The following FAM193A variants were observed in gnomAD, a reference collection of about 807,000 sequenced individuals.
FAM193A encodes the protein family with sequence similarity 193 member A, also known as protein FAM193A.
FAM193A carries 22 observed loss-of-function variants against 126.5 expected under a neutral mutation model. The ratio of observed to expected loss-of-function variants is 0.17; its 90% CI spans 0.12 to 0.25. The LOEUF (loss-of-function observed/expected upper bound fraction) is 0.25. FAM193A is among the 10% of genes least tolerant of loss of function. The pLI is 1.00. For missense variants in FAM193A, 1,675 were observed against 1,672.8 expected (o/e 1.00, Z -0.02); for synonymous variants, 761 against 646.8 (o/e 1.18, Z -2.68).
At chr4:2,597,710 A>T (rs1289740451) in intron 2 of FAM193A, among the ~76,000 whole-genome samples, 2 of 152,192 alleles carry the variant, frequency 1.3e-5, no homozygotes, top group Non-Finnish European at 2.9e-5. Context: ...GTTGCTTTGT[A>T]GGTCAGCCTC....
intron 5 of FAM193A, among the ~76,000 whole-genome samples, chr4:2,635,631 C>G (rs550222751): frequency 6.6e-6 from 1 of 152,324 alleles, no homozygotes; most frequent in East Asian, 1.9e-4. Flanking sequence ...CTCCCCAGTT[C>G]AAGCGATTCT....
Position 2,580,072 on chromosome 4 carries a change from T to C in FAM193A, c.256-16012T>C, listed in dbSNP as rs1560457631. Among the ~76,000 whole-genome samples, 3 of 152,108 alleles carry C rather than the reference T, an allele frequency of 2.0e-5. No individual in the cohort carries two copies. In the South Asian group the frequency reaches 6.2e-4, roughly 32 times the overall value. On this transcript the variant is annotated intron_variant, in intron 1 of 20. Transcript: ENST00000637812. ...GATAGATTGCATAAAGAAAACATGGTACATATACACCATGGAATACTATGC... is the reference window on the plus strand; with the variant it reads ...GATAGATTGCATAAAGAAAACATGGCACATATACACCATGGAATACTATGC...
chr4:2,696,454 A>G lies in FAM193A; in HGVS notation c.3368A>G (p.Lys1123Arg). The G allele has an allele frequency of 1.9e-6, 3 of 1,614,264 alleles. No individual in the cohort carries two copies. The highest frequency in any genetic ancestry group is 2.5e-6 in the Non-Finnish European group (3 of 1,180,038). ...AAGAGGAAAGAGGAGCAACCTAAAA[A>G]AATGGACCAGATCTCAGAAAGGGAA... is the stretch of plus-strand genomic sequence containing the variant. The part of the protein sequence containing the change: ...LTKRKEEQPK[K>R]MDQISERESV... The change falls in exon 18 of 21, where the codon AAA becomes AGA. Residue 1123 changes from lysine (K) to arginine (R), a missense_variant. By Grantham distance (26) the Lys-to-Arg change is conservative. This residue lies in a region of FAM193A where 54 missense variants were observed against 114.8 expected (regional missense o/e 0.47). Coordinates refer to ENST00000637812, the MANE Select transcript of FAM193A (RefSeq NM_001366318.2).
At chr4:2,695,873 T>C (rs934645984) in intron 17 of FAM193A, among the ~76,000 whole-genome samples, 2 of 152,062 alleles carry the variant, frequency 1.3e-5, no homozygotes, top group African/African-American at 4.8e-5. Context: ...GAAGACCAGC[T>C]TGGGCGACAC....
chr4:2,608,959 T>G (rs1741701691), intron 2 of FAM193A, among the ~76,000 whole-genome samples: 1 of 151,394 alleles, frequency 6.6e-6, no homozygotes, highest in African/African-American at 2.4e-5. Context: ...GGTGCCATCT[T>G]GGCTCACTGC....
intron 1 of FAM193A, among the ~76,000 whole-genome samples, chr4:2,595,012 G>T (rs1297089709): frequency 6.6e-6 from 1 of 150,542 alleles, no homozygotes; most frequent in Non-Finnish European, 1.5e-5. Flanking sequence ...GTTTTTAATA[G>T]AAACAGGGTT....
intron 2 of FAM193A, among the ~76,000 whole-genome samples, chr4:2,606,414 G>C (rs73791840): frequency 0.07 from 10,614 of 152,280 alleles, 656 homozygotes; most frequent in African/African-American, 0.16. Context: ...CCTCTGTGTG[G>C]AACCTGTTGT....
intron 6 of FAM193A, among the ~76,000 whole-genome samples, chr4:2,641,678 A>G (rs1285253135): frequency 2.6e-5 from 4 of 152,112 alleles, no homozygotes; most frequent in African/African-American, 9.7e-5. Flanking sequence ...AAAACAAACA[A>G]ACAAAAAGAA....
chr4:2,634,171 G>A (rs981636596), intron 5 of FAM193A, among the ~76,000 whole-genome samples: 3 of 152,200 alleles, frequency 2.0e-5, no homozygotes, highest in Non-Finnish European at 4.4e-5. Flanking sequence ...TGCAGCTCTC[G>A]TGGCCTTGGG....
intron 6 of FAM193A, among the ~76,000 whole-genome samples, chr4:2,645,295 A>G (rs1745021693): frequency 6.6e-6 from 1 of 152,110 alleles, no homozygotes; most frequent in Admixed American, 6.5e-5. Flanking sequence ...ACACTGATAG[A>G]CTTAGGTATT....
chr4:2,603,832 A>C (rs1185082883), intron 2 of FAM193A, among the ~76,000 whole-genome samples: 1 of 151,234 alleles, frequency 6.6e-6, no homozygotes, highest in African/African-American at 2.4e-5. Context: ...CCAAACACAT[A>C]TCTCTTGAAT....
Position 2,732,331 on chromosome 4 carries a change from C to G in FAM193A, c.*463C>G. 5.0e-6 allele frequency: 1 copy of G among 201,028 alleles called. No individual in the cohort carries two copies. Among genetic ancestry groups the G allele is most frequent in the Non-Finnish European group, 1.0e-5 (1 of 96,858 alleles). 12.5% of individuals were successfully genotyped at this position (201,028 alleles called of 1,614,324 possible). On this transcript the variant is annotated 3_prime_UTR_variant, in exon 21 of 21. Transcript: ENST00000637812. ...TTTGTTCTCCACAATCTACTGTCTC[C>G]GAGTGTACACGTTGCGCTGTTTGTG...
Position 2,631,051 on chromosome 4 carries a change from A to G in FAM193A, c.920A>G (p.Lys307Arg). The change falls in exon 5 of 21, where the codon AAG becomes AGG. Residue 307 changes from lysine (K) to arginine (R), a missense_variant. This residue lies in a region of FAM193A where 1,186 missense variants were observed against 1,109.2 expected (regional missense o/e 1.07). Coordinates refer to ENST00000637812, the MANE Select transcript of FAM193A (RefSeq NM_001366318.2). ...LRQLSAAAKV[K>R]APSGLQGPPQ... ...CAGCTGTCGGCTGCGGCCAAGGTGA[A>G]GGCACCATCTGGCCTGCAGGGCCCG... is the stretch of plus-strand genomic sequence containing the variant. 1 of 1,613,546 alleles carries G rather than the reference A, an allele frequency of 6.2e-7. No homozygotes were observed. The highest frequency in any genetic ancestry group is 8.5e-7 in the Non-Finnish European group (1 of 1,180,018).
intron 1 of FAM193A, among the ~76,000 whole-genome samples, chr4:2,572,426 GTC>G: frequency 6.6e-6 from 1 of 152,140 alleles, no homozygotes; most frequent in East Asian, 1.9e-4. Context: ...AAACCAGATT[GTC>G]TGAGGTTGTG....
intron 19 of FAM193A, chr4:2,708,226 A>G (rs539462098): frequency 2.3e-6 from 1 of 440,456 alleles, no homozygotes; most frequent in East Asian, 7.7e-5. Context: ...CCCAGGTTCA[A>G]GCGATTGTGC....
rs1019004644 is a variant in FAM193A at position 2,694,985 on chromosome 4, C to T, written c.3132C>T (p.Val1044=). 1.2e-6 allele frequency: 2 copies of T among 1,606,112 alleles called. No homozygotes were observed. Among genetic ancestry groups the T allele is most frequent in the Non-Finnish European group, 1.7e-6 (2 of 1,176,782 alleles). ...DCEGHRCENG[V]YDPQQDDGDE... ...AAGGGCACCGCTGCGAGAATGGTGT[C>T]TACGACCCACAGCAGGATGATGGGG... Residue 1044 remains valine (V), a synonymous_variant, in exon 17 of 21, where the codon GTC becomes GTT. Transcript: ENST00000637812.
chr4:2,546,218 C>G (rs1402947031), intron 1 of FAM193A, among the ~76,000 whole-genome samples: 1 of 151,654 alleles, frequency 6.6e-6, no homozygotes, highest in Non-Finnish European at 1.5e-5. Flanking sequence ...TCTCAAACTC[C>G]TGGGCTCAAG....
At position 2,596,111 on chromosome 4, in the gene FAM193A, A is replaced by G. The variant is rs1165985754; in HGVS notation, c.283A>G (p.Arg95Gly). Residue 95 changes from arginine (R) to glycine (G), a missense_variant, in exon 2 of 21, where the codon AGG (arginine) becomes GGG (glycine). Physicochemically the swap from Arg to Gly is moderately radical, Grantham distance 125. Transcript: ENST00000637812. Reference protein sequence around the residue: ...ETPFSFGMNHRTPPYPAGDYC... With the variant: ...ETPFSFGMNHGTPPYPAGDYC... Reference sequence around the variant, plus strand: ...TCCTTTTAGTTTTGGCATGAATCATAGGACACCACCCTACCCTGCTGGGGA... The same window carrying G: ...TCCTTTTAGTTTTGGCATGAATCATGGGACACCACCCTACCCTGCTGGGGA... 2 of 702,860 alleles carry G rather than the reference A, an allele frequency of 2.8e-6. No individual in the cohort carries two copies. Among genetic ancestry groups the G allele is most frequent in the Non-Finnish European group, 5.2e-6 (2 of 384,918 alleles). The allele number at this position is 702,860 out of a possible 1,614,324, so 43.5% of individuals were successfully genotyped here.
intron 12 of FAM193A, among the ~76,000 whole-genome samples, chr4:2,665,788 A>G (rs774309606): frequency 3.9e-5 from 6 of 152,026 alleles, no homozygotes; most frequent in East Asian, 1.9e-4. Context: ...CAGCCTCCCA[A>G]AGTTTTAGGA....
Sources: allele counts gnomAD v4.1 joint callset (sites outside exome capture counted in the v4.1 genomes callset), GRCh38; gene constraint gnomAD v4.1.1; regional missense constraint gnomAD v4.1.1; transcripts MANE v1.5; gene names NCBI Gene and HGNC (gene_info 2026-07-23, HGNC 2026-07-21).